The following INVS variants were observed in gnomAD, a reference collection of about 807,000 sequenced individuals.
INVS encodes inversin.
In INVS, 86 loss-of-function variants were observed where a neutral mutation model predicts 108.8. That is an observed-to-expected ratio of 0.79 (90% CI 0.66 to 0.95). INVS has a LOEUF of 0.95. INVS is among the 40% of genes least tolerant of loss of function. The pLI is 0.00. For missense variants in INVS, 1,169 were observed against 1,297.4 expected, an observed-to-expected ratio of 0.90 and a Z score of 1.52; for synonymous variants, 455 against 473.5, an observed-to-expected ratio of 0.96 and a Z score of 0.51.
At chr9:100,145,718 C>G (rs141794303) in intron 3 of INVS, among the ~76,000 whole-genome samples, 4 of 152,086 alleles carry the variant, frequency 2.6e-5, no homozygotes, top group African/African-American at 4.8e-5. Context: ...ACCTCTGAAA[C>G]GTGGGTGAGT....
At chr9:100,126,677 C>A in intron 3 of INVS, 128 bp downstream of exon 3, 1 of 904,896 alleles carries the variant, frequency 1.1e-6, no homozygotes, top group Non-Finnish European at 1.8e-6. Context: ...TATATATTTT[C>A]TCTAAAAGCT....
At chr9:100,130,983 C>T (rs1415753161) in intron 3 of INVS, 1 of 152,072 alleles carries the variant, frequency 6.6e-6, no homozygotes, top group Non-Finnish European at 1.5e-5. Context: ...CATTCTCATA[C>T]ATTATTTATT....
At chr9:100,131,211 A>G (rs1010053905) in intron 3 of INVS, among the ~76,000 whole-genome samples, 8 of 152,092 alleles carry the variant, frequency 5.3e-5, no homozygotes, top group African/African-American at 1.9e-4. Flanking sequence ...ATCTCTCTGA[A>G]TCTAGTAAGT....
chr9:100,229,409 T>A (rs778496842), intron 4 of INVS, among the ~76,000 whole-genome samples: 2 of 152,152 alleles, frequency 1.3e-5, no homozygotes, highest in Non-Finnish European at 2.9e-5. Flanking sequence ...TGGGGTGGGA[T>A]GAAGCACTAT....
intron 14 of INVS, among the ~76,000 whole-genome samples, chr9:100,296,186 CAG>C (rs940740449): frequency 7.9e-5 from 12 of 152,208 alleles, no homozygotes; most frequent in Non-Finnish European, 1.3e-4. Flanking sequence ...GGAATAAAGA[CAG>C]ATACAGATAA....
At chr9:100,276,521 T>C (rs1288364389) in intron 12 of INVS, among the ~76,000 whole-genome samples, 2 of 152,002 alleles carry the variant, frequency 1.3e-5, no homozygotes, top group African/African-American at 4.8e-5. Context: ...CTCGTTCTTC[T>C]TTTTTTTGAG....
chr9:100,291,406 T>C (rs1833610787), intron 13 of INVS, among the ~76,000 whole-genome samples: 1 of 152,214 alleles, frequency 6.6e-6, no homozygotes, highest in Admixed American at 6.5e-5. Context: ...TCTATCCTTT[T>C]CTCGTATTTT....
At chr9:100,146,943 T>C (rs1029654362) in intron 3 of INVS, among the ~76,000 whole-genome samples, 3 of 142,478 alleles carry the variant, frequency 2.1e-5, no homozygotes, top group Admixed American at 7.3e-5. Flanking sequence ...TTCATTTGAT[T>C]GTCCTTCATC....
intron 3 of INVS, among the ~76,000 whole-genome samples, chr9:100,163,129 G>C (rs927557455): frequency 2.0e-5 from 3 of 151,116 alleles, no homozygotes; most frequent in Non-Finnish European, 2.9e-5. Flanking sequence ...CAGCTCTACA[G>C]ACTCTTTCTT....
chr9:100,239,523 A>G (rs1457107993), intron 5 of INVS, among the ~76,000 whole-genome samples: 1 of 152,226 alleles, frequency 6.6e-6, no homozygotes. Context: ...TTTTTAATCT[A>G]GATAATCAGT....
intron 5 of INVS, among the ~76,000 whole-genome samples, chr9:100,236,847 C>T (rs1054996702): frequency 6.6e-6 from 1 of 152,208 alleles, no homozygotes; most frequent in African/African-American, 2.4e-5. Context: ...CAGGGACCCA[C>T]TTGGGGAGGC....
At chr9:100,107,051 ATTCACTCT>A (rs1827203205) in intron 2 of INVS, among the ~76,000 whole-genome samples, 2 of 152,212 alleles carry the variant, frequency 1.3e-5, no homozygotes, top group South Asian at 4.1e-4. Flanking sequence ...ATTTACCTTA[ATTCACTCT>A]TTTATTAAAA....
intron 2 of INVS, 39 bp from the exon 3 acceptor site, chr9:100,126,344 C>T: frequency 6.7e-7 from 1 of 1,491,108 alleles, no homozygotes; most frequent in Non-Finnish European, 9.3e-7. Context: ...TTAGTAATAA[C>T]AATTATCAAA....
chr9:100,282,689 T>G (rs1833317734), intron 12 of INVS, among the ~76,000 whole-genome samples: 1 of 152,296 alleles, frequency 6.6e-6, no homozygotes, highest in South Asian at 2.1e-4. Context: ...GATCCTTAGC[T>G]CTGCAATTTG....
chr9:100,105,580 C>T (rs1827146061), intron 2 of INVS, among the ~76,000 whole-genome samples: 1 of 152,172 alleles, frequency 6.6e-6, no homozygotes, highest in Non-Finnish European at 1.5e-5. Flanking sequence ...TCTTCCTCTG[C>T]TTATCCTTAC....
Position 100,300,875 on chromosome 9 carries a change from A to G in INVS, c.*201A>G. ...ACACAGCATTGTTTTGTCAATCAACACAGCCTGCACTGAAAGGACCTGCAT... is the reference window on the plus strand; with the variant it reads ...ACACAGCATTGTTTTGTCAATCAACGCAGCCTGCACTGAAAGGACCTGCAT... On this transcript the variant is annotated 3_prime_UTR_variant, in exon 17 of 17. Transcript: ENST00000262457. 1 of 610,502 alleles carries G rather than the reference A, an allele frequency of 1.6e-6. No homozygotes were observed. The highest frequency in any genetic ancestry group is 2.8e-5 in the East Asian group (1 of 35,410). The allele number at this position is 610,502 out of a possible 1,614,324, so 37.8% of individuals were successfully genotyped here.
intron 1 of INVS, among the ~76,000 whole-genome samples, chr9:100,100,692 A>ATATGTACATATAATATAT (rs1826840908): frequency 1.8e-3 from 3 of 1,676 alleles, no homozygotes; most frequent in Non-Finnish European, 8.5e-4. Context: ...TATATATATT[A>ATATGTACATATAATATAT]TATATGTACA....
chr9:100,154,851 T>G (rs773661288), intron 3 of INVS, among the ~76,000 whole-genome samples: 1 of 152,176 alleles, frequency 6.6e-6, no homozygotes, highest in Non-Finnish European at 1.5e-5. Context: ...GCTAGTCTTA[T>G]CTGAGTATAT....
At chr9:100,293,126 C>T in intron 14 of INVS, 83 bp downstream of exon 14, 1 of 1,358,378 alleles carries the variant, frequency 7.4e-7, no homozygotes, top group Non-Finnish European at 1.0e-6. Context: ...TGATGTTTTC[C>T]CAGTGAGTTC....
Sources: gnomAD v4.1 joint callset for allele counts (sites outside exome capture counted in the v4.1 genomes callset) on GRCh38, gnomAD v4.1.1 for gene constraint, MANE v1.5 for transcripts, NCBI Gene and HGNC (gene_info 2026-07-23, HGNC 2026-07-21) for gene names.